Variants in FAM222B observed in about 807,000 individuals in gnomAD.
The protein encoded by FAM222B is protein FAM222B.
Under a neutral mutation model 38.0 loss-of-function variants are expected in FAM222B, and 12 were observed. The ratio of observed to expected loss-of-function variants is 0.32; its 90% CI spans 0.20 to 0.51. The LOEUF is 0.51. Ranked by LOEUF, FAM222B falls within the 20% of genes least tolerant of loss-of-function variation. The probability of loss-of-function intolerance (pLI) is 0.97; values close to 1 mark genes in which losing one functional copy is unlikely to be tolerated. For missense variants in FAM222B, 716 were observed against 754.2 expected (o/e 0.95, Z 0.59); for synonymous variants, 329 against 317.2 (o/e 1.04, Z -0.40).
In FAM222B at chr17:28,834,610, C is replaced by T. The variant is rs542721588; in HGVS notation, c.-41+8072G>A. 3.0e-4 allele frequency: 45 copies of T among 152,248 alleles called. 1 individual carries two copies. Among genetic ancestry groups the T allele is most frequent in the Middle Eastern group, 6.8e-3 (2 of 294 alleles). 9.4% of individuals were successfully genotyped at this position (152,248 alleles called of 1,614,324 possible). ...CTAGGAAGTCTTCTCTAACTTTCCC[C>T]TCCCACTACAAGGCAGAACTAATGT... On this transcript the variant is annotated intron_variant, in intron 1 of 2. Coordinates refer to ENST00000581407, the MANE Select transcript of FAM222B (RefSeq NM_001077498.3).
chr17:28,804,902 C>T (rs575739883), intron 1 of FAM222B, among the ~76,000 whole-genome samples: 1 of 151,586 alleles, frequency 6.6e-6, no homozygotes, highest in East Asian at 2.0e-4. Flanking sequence ...CAAAATTAGC[C>T]AGGCGTGGTG....
intron 1 of FAM222B, among the ~76,000 whole-genome samples, chr17:28,837,461 A>T (rs191995347): frequency 5.5e-4 from 84 of 151,812 alleles, no homozygotes; most frequent in Middle Eastern, 3.4e-3. Context: ...ATAAATTTTT[A>T]AAAAAATTGA....
Position 28,758,249 on chromosome 17 carries a change from C to G in FAM222B, c.*21G>C. On this transcript the variant is annotated 3_prime_UTR_variant, in exon 3 of 3. Coordinates refer to ENST00000581407, the MANE Select transcript of FAM222B (RefSeq NM_001077498.3). The stretch of plus-strand genomic sequence containing the variant: ...GGAGGGTGATGTATGATGTGTTGCA[C>G]GTGGAGGGCAGCAGGGCTACCTATC... The G allele has an allele frequency of 6.5e-7, 1 of 1,532,148 alleles. No individual in the cohort carries two copies. Among genetic ancestry groups the G allele is most frequent in the South Asian group, 1.3e-5 (1 of 78,916 alleles). The allele number at this position is 1,532,148 out of a possible 1,614,324, so 94.9% of individuals were successfully genotyped here.
chr17:28,847,801 C>T (rs920035420), intron 1 of FAM222B, among the ~76,000 whole-genome samples: 28 of 151,724 alleles, frequency 1.8e-4, no homozygotes, highest in African/African-American at 6.8e-4. Flanking sequence ...ATAGTCCCAG[C>T]TACTCCGGAG....
intron 1 of FAM222B, among the ~76,000 whole-genome samples, chr17:28,813,881 C>A (rs1352894787): frequency 6.6e-6 from 1 of 151,460 alleles, no homozygotes; most frequent in African/African-American, 2.4e-5. Flanking sequence ...GGTATATTTT[C>A]TGGGGTGTAG....
At chr17:28,812,176 G>A (rs753067344) in intron 1 of FAM222B, 17 of 152,242 alleles carry the variant, frequency 1.1e-4, no homozygotes, top group Non-Finnish European at 2.5e-4. Flanking sequence ...GTCGGCTGAA[G>A]TCGGGGTCGC....
intron 1 of FAM222B, among the ~76,000 whole-genome samples, chr17:28,851,146 T>G (rs1464516685): frequency 6.6e-6 from 1 of 151,006 alleles, no homozygotes; most frequent in Non-Finnish European, 1.5e-5. Flanking sequence ...AACAAAAAAA[T>G]GTTCCAAGGC....
At chr17:28,766,493 G>T in intron 2 of FAM222B, 93 bp downstream of exon 2, 1 of 953,282 alleles carries the variant, frequency 1.0e-6, no homozygotes, top group Non-Finnish European at 1.6e-6. Flanking sequence ...CAAAATTCAA[G>T]GTCAGTGTAC....
intron 1 of FAM222B, among the ~76,000 whole-genome samples, chr17:28,815,585 G>A (rs146075786): frequency 4.6e-5 from 7 of 152,238 alleles, no homozygotes; most frequent in African/African-American, 1.4e-4. Context: ...CCAGCACTTC[G>A]GGAGGTCAGG....
chr17:28,787,826 C>CTTTTTTTTTTTTT, intron 1 of FAM222B, among the ~76,000 whole-genome samples: 1 of 130,190 alleles, frequency 7.7e-6, no homozygotes, highest in Non-Finnish European at 1.6e-5. Context: ...ATAAAGTAGT[C>CTTTTTTTTTTTTT]TTTTTTTTTT....
chr17:28,774,548 AG>A (rs1347940919), intron 1 of FAM222B, among the ~76,000 whole-genome samples: 2 of 152,174 alleles, frequency 1.3e-5, no homozygotes, highest in Non-Finnish European at 2.9e-5. Flanking sequence ...CCTCTAATTA[AG>A]GAACAAACCT....
At chr17:28,770,758 G>T (rs1041268621) in intron 1 of FAM222B, among the ~76,000 whole-genome samples, 4 of 151,900 alleles carry the variant, frequency 2.6e-5, no homozygotes, top group African/African-American at 9.7e-5. Flanking sequence ...TTTTAGTAGA[G>T]ACAGGGTTTC....
chr17:28,794,045 G>A (rs1401510178), intron 1 of FAM222B, among the ~76,000 whole-genome samples: 1 of 151,922 alleles, frequency 6.6e-6, no homozygotes, highest in Admixed American at 6.6e-5. Context: ...CACGGCTCCC[G>A]GCTCAACCAA....
Position 28,818,256 on chromosome 17 carries a change from C to T in FAM222B, c.-41+24426G>A, listed in dbSNP as rs1598010628. ...TAAAAAAATAAAAATAGGCCAGGCGCGGTGGCTCACGCCTGTAATCCCAGC... is the reference window on the plus strand; with the variant it reads ...TAAAAAAATAAAAATAGGCCAGGCGTGGTGGCTCACGCCTGTAATCCCAGC... On this transcript the variant is annotated intron_variant, in intron 1 of 2. Coordinates refer to ENST00000581407, the MANE Select transcript of FAM222B (RefSeq NM_001077498.3). Among the ~76,000 whole-genome samples, 3 of 151,916 alleles carry T rather than the reference C, an allele frequency of 2.0e-5. No homozygotes were observed. In the South Asian group the frequency reaches 6.2e-4, roughly 31 times the overall value.
chr17:28,796,088 T>C (rs1262865350), intron 1 of FAM222B, among the ~76,000 whole-genome samples: 1 of 152,146 alleles, frequency 6.6e-6, no homozygotes, highest in African/African-American at 2.4e-5. Context: ...TGCAGTGGAG[T>C]GAGGGTGTGA....
chr17:28,758,326 C>T lies in FAM222B; in HGVS notation c.1633G>A (p.Ala545Thr). 3 of 1,610,270 alleles carry T rather than the reference C, an allele frequency of 1.9e-6. No homozygotes were observed. The highest frequency in any genetic ancestry group is 1.1e-5 in the South Asian group (1 of 90,646). Residue 545 changes from alanine (A) to threonine (T), a missense_variant, in exon 3 of 3, where the codon GCC becomes ACC. Ala to Thr is a moderately conservative substitution (Grantham distance 58). Coordinates refer to ENST00000581407, the MANE Select transcript of FAM222B (RefSeq NM_001077498.3). ...CTTCGACTCTCTGTGGGATCGGGGG[C>T]TCGGTTGCCAGGGGCTCGGTGGGCC... ...SKAHRAPGNR[A>T]PDPTESRSLH...
intron 1 of FAM222B, among the ~76,000 whole-genome samples, chr17:28,805,427 C>A (rs1027456196): frequency 5.3e-5 from 8 of 151,932 alleles, no homozygotes; most frequent in African/African-American, 1.7e-4. Context: ...CCCAGCTATT[C>A]AGGAGGCTGA....
At chr17:28,788,598 T>C (rs1033923376) in intron 1 of FAM222B, among the ~76,000 whole-genome samples, 5 of 152,268 alleles carry the variant, frequency 3.3e-5, no homozygotes, top group Non-Finnish European at 5.9e-5. Flanking sequence ...ATGCATCTTA[T>C]ACTACATATT....
chr17:28,758,604 G>A lies in FAM222B; in HGVS notation c.1355C>T (p.Pro452Leu). ...LAYPNGHYFQPLWNNILPTPN... is the reference protein window; with the variant it reads ...LAYPNGHYFQLLWNNILPTPN... The stretch of plus-strand genomic sequence containing the variant: ...AGTGGGCAGAATGTTGTTCCACAGG[G>A]GTTGGAAGTAGTGACCATTGGGGTA... Residue 452 changes from proline (P) to leucine (L), a missense_variant, in exon 3 of 3, where the codon CCC becomes CTC. By Grantham distance (98) the Pro-to-Leu change is moderately conservative. Coordinates refer to ENST00000581407, the MANE Select transcript of FAM222B (RefSeq NM_001077498.3). 1 of 1,611,278 alleles carries A rather than the reference G, an allele frequency of 6.2e-7. No individual in the cohort carries two copies. Among genetic ancestry groups the A allele is most frequent in the South Asian group, 1.1e-5 (1 of 91,092 alleles).
Sources: gnomAD v4.1 joint callset for allele counts (sites outside exome capture counted in the v4.1 genomes callset) on GRCh38, gnomAD v4.1.1 for gene constraint, MANE v1.5 for transcripts, NCBI Gene and HGNC (gene_info 2026-07-23, HGNC 2026-07-21) for gene names.